The following TSPAN14 variants were observed in gnomAD, a reference collection of about 807,000 sequenced individuals.
TSPAN14 encodes the protein tetraspanin 14.
A neutral mutation model predicts 36.6 loss-of-function variants in TSPAN14; 16 were observed. The ratio of observed to expected loss-of-function variants is 0.44; its 90% confidence interval spans 0.30 to 0.66. The LOEUF (loss-of-function observed/expected upper bound fraction) is 0.66. Among genes scored for constraint, TSPAN14 ranks in the 30% least tolerant of loss-of-function variants. TSPAN14 has a pLI of 0.12. For missense variants in TSPAN14, 231 were observed against 355.1 expected (o/e 0.65, Z 2.81); for synonymous variants, 139 against 143.8 (o/e 0.97, Z 0.24).
intron 2 of TSPAN14, among the ~76,000 whole-genome samples, chr10:80,498,573 A>G (rs2132030440): frequency 6.6e-6 from 1 of 152,276 alleles, no homozygotes; most frequent in South Asian, 2.1e-4. Flanking sequence ...TGGTCTTAGG[A>G]CAGAAGCTGG....
rs1277859060 is a variant in TSPAN14 at position 80,479,424 on chromosome 10, A to G, written c.-17-9793A>G. On this transcript the variant is annotated intron_variant, in intron 1 of 8. Transcript: ENST00000429989. ...TTTCTTCTAGGGTTTTTATGGTTTT[A>G]GGTCTAACGTTTAAGTCTTTAACCC... Among the ~76,000 whole-genome samples, 26 of 152,228 alleles carry G rather than the reference A, an allele frequency of 1.7e-4. 1 individual carries two copies. The highest frequency in any genetic ancestry group is 3.5e-4 in the Non-Finnish European group (24 of 68,016).
At chr10:80,495,379 ATG>A (rs869146871) in intron 2 of TSPAN14, among the ~76,000 whole-genome samples, 2 of 37,708 alleles carry the variant, frequency 5.3e-5, no homozygotes, top group East Asian at 2.4e-3. Context: ...GTGTGTGTGT[ATG>A]TACATGTGTG....
chr10:80,510,591 C>G (rs973402594), intron 5 of TSPAN14, among the ~76,000 whole-genome samples: 10 of 152,160 alleles, frequency 6.6e-5, no homozygotes, highest in African/African-American at 2.2e-4. Context: ...AATAAAACTT[C>G]TGGCCGGGCG....
intron 2 of TSPAN14, among the ~76,000 whole-genome samples, chr10:80,490,234 A>G (rs1396489091): frequency 1.3e-5 from 2 of 152,296 alleles, no homozygotes; most frequent in South Asian, 2.1e-4. Flanking sequence ...AAGTTATCTC[A>G]TAGCCAGCCT....
chr10:80,493,593 G>GCT (rs1261400610), intron 2 of TSPAN14, among the ~76,000 whole-genome samples: 2 of 152,364 alleles, frequency 1.3e-5, no homozygotes, highest in Middle Eastern at 3.4e-3. Flanking sequence ...TCTGTCACAT[G>GCT]CTACAGCATG....
chr10:80,511,758 CTCTCTCTCTCT>C (rs1564745250), intron 5 of TSPAN14, among the ~76,000 whole-genome samples: 28 of 141,408 alleles, frequency 2.0e-4, no homozygotes, highest in Non-Finnish European at 2.6e-4. Flanking sequence ...CTCTCTCTCT[CTCTCTCTCTCT>C]CTCCCCTTTT....
intron 1 of TSPAN14, among the ~76,000 whole-genome samples, chr10:80,483,010 T>C (rs902105568): frequency 6.6e-6 from 1 of 152,136 alleles, no homozygotes; most frequent in African/African-American, 2.4e-5. Context: ...GCTGGGATTA[T>C]AGGCGTGAGC....
exon 9 of TSPAN14, chr10:80,520,973 G>T: frequency 2.4e-6 from 1 of 419,828 alleles, no homozygotes; most frequent in Non-Finnish European, 4.8e-6. Flanking sequence ...TACCCACAGG[G>T]CAGGGCTGTG....
At chr10:80,463,493 T>A (rs1178963507) in intron 1 of TSPAN14, among the ~76,000 whole-genome samples, 1 of 152,198 alleles carries the variant, frequency 6.6e-6, no homozygotes, top group African/African-American at 2.4e-5. Flanking sequence ...GTATACTAAT[T>A]ATGCTGTTTT....
rs755983032 is a variant in TSPAN14 at position 80,509,435 on chromosome 10, C to T, written c.414C>T (p.Ile138=). The T allele has an allele frequency of 1.5e-5, 24 of 1,613,980 alleles. No homozygotes were observed. The highest frequency in any genetic ancestry group is 2.7e-5 in the African/African-American group (2 of 74,908). The stretch of plus-strand genomic sequence containing the variant: ...ACATCAAGTCCTACCGGGACGATAT[C>T]GATCTGCAAAACCTCATCGACTCCC... The change falls in exon 5 of 9, where the codon ATC becomes ATT. Residue 138 remains isoleucine (I), a synonymous_variant. Coordinates refer to ENST00000429989, the Ensembl canonical transcript of TSPAN14. This position sits in a 1 kb window ranked among gnomAD's most constrained non-coding sequence, Gnocchi z 4.7.
intron 5 of TSPAN14, among the ~76,000 whole-genome samples, chr10:80,511,711 C>CCTATCTCT: frequency 3.9e-5 from 1 of 25,812 alleles, no homozygotes; most frequent in Non-Finnish European, 7.3e-5. Context: ...AAGGGCAGGT[C>CCTATCTCT]CTCTCTCTCT....
intron 1 of TSPAN14, among the ~76,000 whole-genome samples, chr10:80,468,269 G>A (rs2131966242): frequency 6.6e-6 from 1 of 152,238 alleles, no homozygotes; most frequent in African/African-American, 2.4e-5. Flanking sequence ...CTGTGTCACT[G>A]CTCTAGGCTG....
At chr10:80,516,487 G>A (rs1016122371) in intron 8 of TSPAN14, among the ~76,000 whole-genome samples, 164 bp downstream of exon 8, 3 of 152,236 alleles carry the variant, frequency 2.0e-5, no homozygotes, top group Admixed American at 6.5e-5. Flanking sequence ...GTGTATGCGT[G>A]TAAGTGTATT....
At chr10:80,492,394 G>T (rs1051634705) in intron 2 of TSPAN14, among the ~76,000 whole-genome samples, 4 of 152,120 alleles carry the variant, frequency 2.6e-5, no homozygotes, top group African/African-American at 4.8e-5. Context: ...AGGATTGCAC[G>T]TGTTGATGGT....
At chr10:80,471,429 C>T (rs956112528) in intron 1 of TSPAN14, among the ~76,000 whole-genome samples, 1 of 152,152 alleles carries the variant, frequency 6.6e-6, no homozygotes, top group African/African-American at 2.4e-5. Flanking sequence ...TTCTTGTTCA[C>T]ATTGGGAATA....
At chr10:80,462,395 T>C (rs2131955418) in intron 1 of TSPAN14, among the ~76,000 whole-genome samples, 1 of 146,618 alleles carries the variant, frequency 6.8e-6, no homozygotes, top group South Asian at 2.1e-4. Flanking sequence ...GGAGGAGTTA[T>C]TCTACATAGA....
chr10:80,465,741 C>G (rs1336437793), intron 1 of TSPAN14, among the ~76,000 whole-genome samples: 1 of 152,184 alleles, frequency 6.6e-6, no homozygotes, highest in Non-Finnish European at 1.5e-5. Context: ...AAAGGATGCT[C>G]GTTCTTAATC....
chr10:80,458,059 G>A (rs983734804), intron 1 of TSPAN14, among the ~76,000 whole-genome samples: 5 of 152,182 alleles, frequency 3.3e-5, no homozygotes, highest in Non-Finnish European at 5.9e-5. Context: ...CTGCCCTGCC[G>A]TGTCAGTCCT....
At chr10:80,512,392 C>T (rs188815886) in intron 6 of TSPAN14, 123 bp downstream of exon 6, 484 of 1,358,566 alleles carry the variant, frequency 3.6e-4, no homozygotes, top group Non-Finnish European at 4.6e-4. Context: ...GGTGTGCTTT[C>T]TCCACACCCT....
Sources: allele counts gnomAD v4.1 joint callset (sites outside exome capture counted in the v4.1 genomes callset), GRCh38; gene constraint gnomAD v4.1.1; non-coding constraint Gnocchi (gnomAD v3.1); transcripts MANE v1.5; gene names NCBI Gene and HGNC (gene_info 2026-07-23, HGNC 2026-07-21).